The following MYO10 variants were observed in gnomAD, a reference collection of about 807,000 sequenced individuals.
MYO10 encodes the protein myosin X.
Under a neutral mutation model 257.3 loss-of-function variants are expected in MYO10, and 133 were observed. The observed-to-expected ratio is 0.52, with a 90% CI of 0.45 to 0.60. The LOEUF (loss-of-function observed/expected upper bound fraction) is 0.60, where lower values mean the gene tolerates loss of function less well. Among genes scored for constraint, MYO10 ranks in the 20% least tolerant of loss-of-function variants. The pLI is 0.00. For missense variants in MYO10, 2,399 were observed against 2,635.7 expected, an observed-to-expected ratio of 0.91 and a Z score of 1.97; for synonymous variants, 1,104 against 1,028.6, an observed-to-expected ratio of 1.07 and a Z score of -1.40.
At chr5:16,780,782 A>C (rs1486422246) in intron 6 of MYO10, 41 bp from the exon 7 acceptor site, 1 of 1,549,492 alleles carries the variant, frequency 6.5e-7, no homozygotes. Context: ...AAAAAAACAA[A>C]GCTATGTGCC....
intron 19 of MYO10, among the ~76,000 whole-genome samples, chr5:16,717,512 C>T (rs565655854): frequency 2.6e-4 from 39 of 152,262 alleles, no homozygotes; most frequent in African/African-American, 9.1e-4. Context: ...TTAAGGGCCA[C>T]GACCACATCG....
At chr5:16,902,439 T>A in intron 1 of MYO10, 1 of 1,245,942 alleles carries the variant, frequency 8.0e-7, no homozygotes, top group Non-Finnish European at 1.2e-6. Context: ...TAACTTCACA[T>A]ACAGCTTGGG....
chr5:16,682,514 G>A (rs577380157), intron 30 of MYO10, among the ~76,000 whole-genome samples: 106 of 152,290 alleles, frequency 7.0e-4, no homozygotes, highest in Non-Finnish European at 9.7e-4. Flanking sequence ...GATCTAACAA[G>A]GGTGCATTTC....
At chr5:16,843,560 G>C (rs1387228647) in intron 2 of MYO10, among the ~76,000 whole-genome samples, 1 of 152,150 alleles carries the variant, frequency 6.6e-6, no homozygotes, top group African/African-American at 2.4e-5. Context: ...CAGCTACTGG[G>C]CACCATCACT....
At chr5:16,921,374 A>T (rs1745976095) in intron 1 of MYO10, among the ~76,000 whole-genome samples, 2 of 152,120 alleles carry the variant, frequency 1.3e-5, no homozygotes, top group South Asian at 4.1e-4. Context: ...GAGGGGTCTG[A>T]GAACGGGGAC....
At chr5:16,842,516 T>TA (rs1395698835) in intron 2 of MYO10, among the ~76,000 whole-genome samples, 1 of 152,210 alleles carries the variant, frequency 6.6e-6, no homozygotes, top group Non-Finnish European at 1.5e-5. Context: ...ACACATGTCA[T>TA]ACCTCTTCTC....
chr5:16,676,252 A>G (rs1159485350), intron 33 of MYO10, 98 bp from the exon 34 acceptor site: 5 of 1,422,016 alleles, frequency 3.5e-6, no homozygotes, highest in Non-Finnish European at 4.8e-6. Context: ...CTAGTGGGGC[A>G]AAGATGGTGG....
intron 1 of MYO10, among the ~76,000 whole-genome samples, chr5:16,918,729 G>A (rs1393887679): frequency 6.6e-6 from 1 of 151,908 alleles, no homozygotes; most frequent in Non-Finnish European, 1.5e-5. Flanking sequence ...TCAAACTCCC[G>A]ACCTCAGGTG....
chr5:16,689,991 TGAAGCCAATGACTAGAGTTGG>T (rs1737423842), intron 27 of MYO10, 72 bp from the exon 28 acceptor site: 2 of 1,090,930 alleles, frequency 1.8e-6, no homozygotes, highest in Non-Finnish European at 2.8e-6. Flanking sequence ...AAGCAACTAA[TGAAGCCAATGACTAGAGTTGG>T]GAACTGTCTG....
chr5:16,673,191 G>GTTT (rs70940397), intron 36 of MYO10, among the ~76,000 whole-genome samples: 1 of 129,722 alleles, frequency 7.7e-6, no homozygotes, highest in African/African-American at 2.8e-5. Context: ...TCCAGATGAC[G>GTTT]TTTTTTTTTT....
intron 3 of MYO10, among the ~76,000 whole-genome samples, chr5:16,813,083 A>G (rs1294240321): frequency 6.6e-6 from 1 of 152,212 alleles, no homozygotes; most frequent in African/African-American, 2.4e-5. Context: ...AAAGAATGGC[A>G]GCCTCTCTAC....
chr5:16,874,831 T>C (rs1056829472), intron 2 of MYO10, among the ~76,000 whole-genome samples: 3 of 152,172 alleles, frequency 2.0e-5, no homozygotes, highest in African/African-American at 2.4e-5. Flanking sequence ...CAAGTATCCA[T>C]GCCTGGTACC....
In MYO10 at chr5:16,685,770, G is replaced by T; in HGVS notation, c.3958C>A (p.His1320Asn). 6.8e-7 allele frequency: 1 copy of T among 1,464,868 alleles called. No individual in the cohort carries two copies. The highest frequency in any genetic ancestry group is 1.9e-5 in the Admixed American group (1 of 53,818). 90.7% of individuals were successfully genotyped at this position (1,464,868 alleles called of 1,614,324 possible). The change falls in exon 29 of 41, where the codon CAT (histidine) becomes AAT (asparagine). Residue 1320 changes from histidine to asparagine, a missense_variant. Around this residue, in one of 3 missense-constraint regions of MYO10, gnomAD observed 1,820 missense variants for 1,939.4 expected, o/e 0.94. Coordinates refer to ENST00000513610, the MANE Select transcript of MYO10 (RefSeq NM_012334.3). ...ASTDQEIQEM[H>N]DEQANPQNAV... is the part of the protein sequence containing the mutation. The stretch of plus-strand genomic sequence containing the variant: ...TTCTGTGGGTTTGCCTGCTCATCAT[G>T]CATCTCCTGGATCTCCTGGTCCGTG...
At chr5:16,714,769 G>A (rs1032440415) in intron 19 of MYO10, among the ~76,000 whole-genome samples, 2 of 152,178 alleles carry the variant, frequency 1.3e-5, no homozygotes, top group African/African-American at 2.4e-5. Context: ...CTTGCAGTGA[G>A]CCAAGATTGT....
chr5:16,789,243 G>C (rs1741683000), intron 4 of MYO10, among the ~76,000 whole-genome samples: 1 of 152,256 alleles, frequency 6.6e-6, no homozygotes, highest in African/African-American at 2.4e-5. Flanking sequence ...AGTTGCAACA[G>C]AGGTGCTTTC....
chr5:16,875,892 G>A (rs1364198005), intron 2 of MYO10, among the ~76,000 whole-genome samples: 11 of 152,190 alleles, frequency 7.2e-5, no homozygotes, highest in Non-Finnish European at 1.2e-4. Context: ...CAGATCACTC[G>A]AGGTCAGGAG....
chr5:16,876,314 C>A (rs1335009079), intron 2 of MYO10, among the ~76,000 whole-genome samples: 1 of 152,024 alleles, frequency 6.6e-6, no homozygotes, highest in Non-Finnish European at 1.5e-5. Context: ...ATCAAGCAAA[C>A]CAGTTTTTGG....
chr5:16,704,730 G>A (rs745391250), intron 21 of MYO10, 45 bp from the exon 22 acceptor site: 35 of 1,469,620 alleles, frequency 2.4e-5, no homozygotes, highest in Non-Finnish European at 2.9e-5. Flanking sequence ...AACATGGCCA[G>A]CAGAAGGAAG....
intron 1 of MYO10, among the ~76,000 whole-genome samples, chr5:16,898,930 G>GAGGTC (rs1278757004): frequency 1.3e-4 from 13 of 96,710 alleles, no homozygotes; most frequent in Non-Finnish European, 1.4e-4. Context: ...CAGATCACCT[G>GAGGTC]AGCCTGGCCA....
Sources: allele counts gnomAD v4.1 joint callset (sites outside exome capture counted in the v4.1 genomes callset), GRCh38; gene constraint gnomAD v4.1.1; regional missense constraint gnomAD v4.1.1; transcripts MANE v1.5; gene names NCBI Gene and HGNC (gene_info 2026-07-23, HGNC 2026-07-21).